PLD1: variants seen among roughly 807,000 people sequenced by gnomAD.
The protein encoded by PLD1 is phospholipase D1, also known as choline phosphatase 1.
In PLD1, 112 loss-of-function variants were observed where a neutral mutation model predicts 137.1. The ratio of observed to expected loss-of-function variants is 0.82; its 90% CI spans 0.70 to 0.96. The LOEUF is 0.96. Among genes scored for constraint, PLD1 ranks in the 40% least tolerant of loss-of-function variants. The pLI is 0.00. For missense variants in PLD1, 1,321 were observed against 1,342.0 expected (o/e 0.98, Z 0.24); for synonymous variants, 431 against 454.7 (o/e 0.95, Z 0.66).
At chr3:171,696,831 G>A (rs1715737983) in intron 12 of PLD1, among the ~76,000 whole-genome samples, 1 of 152,072 alleles carries the variant, frequency 6.6e-6, no homozygotes, top group African/African-American at 2.4e-5. Context: ...TATTTCTTTA[G>A]GAAATTTTAA....
intron 21 of PLD1, among the ~76,000 whole-genome samples, chr3:171,650,456 G>A (rs890392242): frequency 2.0e-5 from 3 of 152,162 alleles, no homozygotes; most frequent in Non-Finnish European, 4.4e-5. Flanking sequence ...AGAACAGGCC[G>A]GAGGGAGATC....
At chr3:171,699,707 TAAAA>T (rs746572937) in intron 12 of PLD1, 34 bp downstream of exon 12, 1 of 1,432,002 alleles carries the variant, frequency 7.0e-7, no homozygotes, top group South Asian at 1.2e-5. Context: ...AACAGACAGT[TAAAA>T]AATTATATCA....
intron 21 of PLD1, among the ~76,000 whole-genome samples, chr3:171,652,274 G>A (rs1379671691): frequency 1.3e-5 from 2 of 152,026 alleles, no homozygotes; most frequent in Non-Finnish European, 2.9e-5. Flanking sequence ...ATAGCCAGGC[G>A]TGGTGGCAGG....
rs374115685 is a variant in PLD1, at chr3:171,605,288, G to C, written c.3000+11C>G. 4.1e-6 allele frequency: 6 copies of C among 1,456,948 alleles called. No homozygotes were observed. In the South Asian group the frequency reaches 6.8e-5, roughly 17 times the overall value. 90.3% of individuals were successfully genotyped at this position (1,456,948 alleles called of 1,614,324 possible). On this transcript the variant is annotated intron_variant, in intron 26 of 26. Transcript: ENST00000351298. ...GAAAAGAAACGGAGGAGGGGAATAC[G>C]TGAACTTCACCTTGTCATAAATTGT...
At chr3:171,708,278 G>A (rs903970853) in intron 11 of PLD1, among the ~76,000 whole-genome samples, 1 of 152,172 alleles carries the variant, frequency 6.6e-6, no homozygotes, top group Non-Finnish European at 1.5e-5. Context: ...TCACAAAGTT[G>A]AAACCGGATG....
chr3:171,778,090 G>T (rs1015875571), intron 1 of PLD1, among the ~76,000 whole-genome samples: 1 of 152,092 alleles, frequency 6.6e-6, no homozygotes, highest in Non-Finnish European at 1.5e-5. Flanking sequence ...AATTATTTAT[G>T]TTACTTAATG....
At chr3:171,655,786 G>A (rs1737140166) in intron 21 of PLD1, among the ~76,000 whole-genome samples, 1 of 152,142 alleles carries the variant, frequency 6.6e-6, no homozygotes, top group African/African-American at 2.4e-5. Flanking sequence ...AGGGGTGAGG[G>A]GAACATAAAA....
At chr3:171,780,626 T>C (rs1205236860) in intron 1 of PLD1, among the ~76,000 whole-genome samples, 1 of 152,014 alleles carries the variant, frequency 6.6e-6, no homozygotes, top group African/African-American at 2.4e-5. Flanking sequence ...AGTGCGTCAA[T>C]GATAGAGAGA....
intron 1 of PLD1, among the ~76,000 whole-genome samples, chr3:171,779,601 A>C (rs1722711892): frequency 6.6e-6 from 1 of 152,206 alleles, no homozygotes; most frequent in South Asian, 2.1e-4. Context: ...ACATAAGTCC[A>C]AGATTCAGTC....
chr3:171,799,754 A>T (rs1364732764), intron 1 of PLD1, among the ~76,000 whole-genome samples: 1 of 152,218 alleles, frequency 6.6e-6, no homozygotes, highest in Non-Finnish European at 1.5e-5. Flanking sequence ...TGTACCCTTG[A>T]TACGATGTAA....
intron 6 of PLD1, among the ~76,000 whole-genome samples, chr3:171,730,643 CCA>C (rs1718865012): frequency 1.9e-5 from 2 of 106,482 alleles, no homozygotes; most frequent in African/African-American, 4.3e-5. Flanking sequence ...AAATCTATCT[CCA>C]CTTTTTTTTT....
At chr3:171,652,389 G>A (rs150806961) in intron 21 of PLD1, among the ~76,000 whole-genome samples, 3,497 of 148,652 alleles carry the variant, frequency 0.024, 159 homozygotes, top group African/African-American at 0.084. Context: ...CTCCAGCCTC[G>A]GCGACAGAGT....
At chr3:171,714,500 A>T (rs779274646) in intron 8 of PLD1, among the ~76,000 whole-genome samples, 1 of 152,218 alleles carries the variant, frequency 6.6e-6, no homozygotes, top group Non-Finnish European at 1.5e-5. Context: ...GAGAAGTAAC[A>T]AAGTGGGCAT....
chr3:171,604,840 C>T lies in PLD1; in HGVS notation c.3000+459G>A, dbSNP rs551823652. On this transcript the variant is annotated intron_variant, in intron 26 of 26. Coordinates refer to ENST00000351298, the MANE Select transcript of PLD1 (RefSeq NM_002662.5). ...CATTCACTAGACTATTCTTTGTCCT[C>T]ATAACTACCCTTGTGAATATTCCTC... is the stretch of plus-strand genomic sequence containing the variant. 2.2e-4 allele frequency among the ~76,000 whole-genome samples: 34 copies of T among 152,314 alleles called. 2 individuals carry two copies. In the South Asian group the frequency reaches 6.6e-3, roughly 30 times the overall value.
At chr3:171,789,811 G>A (rs1376634850) in intron 1 of PLD1, 1 of 152,186 alleles carries the variant, frequency 6.6e-6, no homozygotes, top group Non-Finnish European at 1.5e-5. Context: ...CCAGATATCA[G>A]AATGAAGAAA....
intron 1 of PLD1, among the ~76,000 whole-genome samples, chr3:171,768,018 T>TTAC (rs1245735528): frequency 3.1e-4 from 47 of 151,822 alleles, no homozygotes; most frequent in African/African-American, 1.1e-3. Flanking sequence ...TTCATTATTA[T>TTAC]TATTATTATT....
chr3:171,674,851 C>T (rs184436026), intron 18 of PLD1, among the ~76,000 whole-genome samples: 76 of 151,606 alleles, frequency 5.0e-4, no homozygotes, highest in African/African-American at 1.8e-3. Flanking sequence ...TGGTGGCGGG[C>T]GCCTGTAATC....
intron 23 of PLD1, among the ~76,000 whole-genome samples, chr3:171,633,804 G>A (rs1180066326): frequency 4.0e-5 from 6 of 151,898 alleles, no homozygotes; most frequent in African/African-American, 1.5e-4. Context: ...TACTAAATTG[G>A]CTGCTAAAAT....
chr3:171,809,603 G>A (rs1486265091), intron 1 of PLD1: 2 of 152,254 alleles, frequency 1.3e-5, no homozygotes, highest in African/African-American at 4.8e-5. Flanking sequence ...AGTATTTAGT[G>A]CTTCACAGAG....
Sources: allele counts gnomAD v4.1 joint callset (sites outside exome capture counted in the v4.1 genomes callset), GRCh38; gene constraint gnomAD v4.1.1; transcripts MANE v1.5; gene names NCBI Gene and HGNC (gene_info 2026-07-23, HGNC 2026-07-21).